The following PTER variants were observed in gnomAD, a reference collection of about 807,000 sequenced individuals.
The protein encoded by PTER is N-acetyltaurine hydrolase.
Under a neutral mutation model 29.6 loss-of-function variants are expected in PTER, and 38 were observed. The ratio of observed to expected loss-of-function variants is 1.28; its 90% CI spans 0.99 to 1.68. PTER has a LOEUF of 1.68. PTER is among the 40% of genes most tolerant of loss of function. The pLI is 0.00. For synonymous variants in PTER, 172 were observed against 154.5 expected, an observed-to-expected ratio of 1.11 and a Z score of -0.84; for missense variants, 482 against 427.8, an observed-to-expected ratio of 1.13 and a Z score of -1.12.
chr10:16,471,925 A>C (rs1241833088), intron 1 of PTER, among the ~76,000 whole-genome samples: 1 of 152,224 alleles, frequency 6.6e-6, no homozygotes, highest in Non-Finnish European at 1.5e-5. Flanking sequence ...ACTTACTGCT[A>C]AATTACTTTT....
intron 1 of PTER, among the ~76,000 whole-genome samples, chr10:16,443,143 C>T (rs1281758093): frequency 2.0e-5 from 3 of 152,140 alleles, no homozygotes; most frequent in African/African-American, 4.8e-5. Flanking sequence ...TTTATTTTCT[C>T]ACAGCTCTGG....
At chr10:16,506,822 T>C (rs1449688960) in intron 4 of PTER, among the ~76,000 whole-genome samples, 1 of 151,602 alleles carries the variant, frequency 6.6e-6, no homozygotes, top group Non-Finnish European at 1.5e-5. Context: ...AGGCTAGGAA[T>C]GGCTGTCAGG....
At chr10:16,476,901 C>CTCTCTCTTTTTTT (rs1214090481) in intron 1 of PTER, among the ~76,000 whole-genome samples, 4 of 100,368 alleles carry the variant, frequency 4.0e-5, no homozygotes, top group African/African-American at 1.3e-4. Context: ...TCCTAGAATT[C>CTCTCTCTTTTTTT]TTTTTTTTTT....
intron 1 of PTER, among the ~76,000 whole-genome samples, chr10:16,472,724 A>G (rs1043056847): frequency 6.6e-6 from 1 of 152,138 alleles, no homozygotes; most frequent in Non-Finnish European, 1.5e-5. Context: ...TAAATACTTT[A>G]CTTCTTTGGC....
At chr10:16,466,219 C>G (rs1834816647) in intron 1 of PTER, among the ~76,000 whole-genome samples, 1 of 152,038 alleles carries the variant, frequency 6.6e-6, no homozygotes, top group South Asian at 2.1e-4. Context: ...CAGACCAGAG[C>G]AAGGCAAGGG....
chr10:16,452,677 ATTCTCC>A (rs149744029), intron 1 of PTER, among the ~76,000 whole-genome samples: 13,091 of 150,104 alleles, frequency 0.087, 638 homozygotes, highest in African/African-American at 0.11. Context: ...GCTGATGATG[ATTCTCC>A]TTCTCCTTCT....
chr10:16,441,260 C>T (rs1318084581), intron 1 of PTER, among the ~76,000 whole-genome samples: 2 of 152,128 alleles, frequency 1.3e-5, no homozygotes, highest in Admixed American at 6.6e-5. Flanking sequence ...GAGGAATGTT[C>T]GTGGGTGAGT....
chr10:16,450,617 C>A (rs980258955), intron 1 of PTER, among the ~76,000 whole-genome samples: 1 of 152,164 alleles, frequency 6.6e-6, no homozygotes, highest in African/African-American at 2.4e-5. Flanking sequence ...ATGATAAAAG[C>A]TTGTGTCTGA....
chr10:16,505,146 C>A lies in PTER; in HGVS notation c.825C>A (p.Asn275Lys). The A allele has an allele frequency of 6.2e-7, 1 of 1,613,746 alleles. No homozygotes were observed. The highest frequency in any genetic ancestry group is 8.5e-7 in the Non-Finnish European group (1 of 1,179,836). The change falls in exon 4 of 5, where the codon AAC (asparagine) becomes AAA (lysine). Residue 275 changes from asparagine to lysine, a missense_variant. Transcript: ENST00000535784. Reference protein sequence around the residue: ...LGPDIDMPDDNKRIRRVRLLV... With the variant: ...LGPDIDMPDDKKRIRRVRLLV... Reference sequence around the variant, plus strand: ...CAGATATTGACATGCCTGATGATAACAAAAGAATTAGAAGGTAAATATGGT... The same window carrying A: ...CAGATATTGACATGCCTGATGATAAAAAAAGAATTAGAAGGTAAATATGGT...
chr10:16,481,516 G>C (rs1386320315), intron 1 of PTER, among the ~76,000 whole-genome samples: 1 of 152,152 alleles, frequency 6.6e-6, no homozygotes, highest in Non-Finnish European at 1.5e-5. Context: ...AGCAATGTTG[G>C]CTACAGTTTG....
At position 16,505,135 on chromosome 10, in the gene PTER, C is replaced by T. The variant is rs201375847; in HGVS notation, c.814C>T (p.Pro272Ser). ...HYQLGPDIDM[P>S]DDNKRIRRVR... Reference sequence around the variant, plus strand: ...CCAACTCGGCCCAGATATTGACATGCCTGATGATAACAAAAGAATTAGAAG... The same window carrying T: ...CCAACTCGGCCCAGATATTGACATGTCTGATGATAACAAAAGAATTAGAAG... Residue 272 changes from proline (P) to serine (S), a missense_variant, in exon 4 of 5, where the codon CCT (proline) becomes TCT (serine). By Grantham distance (74) the Pro-to-Ser change is moderately conservative. Transcript: ENST00000535784. 2.5e-6 allele frequency: 4 copies of T among 1,613,870 alleles called. No individual in the cohort carries two copies. The South Asian group carries it at 4.4e-5, about 18-fold the overall frequency.
downstream of PTER, among the ~76,000 whole-genome samples, chr10:16,515,919 T>A (rs1395313730): frequency 6.6e-6 from 1 of 152,176 alleles, no homozygotes; most frequent in Non-Finnish European, 1.5e-5. Context: ...CTGGATTTTA[T>A]CACTTGGCAA....
intron 1 of PTER, among the ~76,000 whole-genome samples, chr10:16,447,930 C>A (rs553967651): frequency 6.6e-6 from 1 of 152,204 alleles, no homozygotes; most frequent in African/African-American, 2.4e-5. Context: ...TCTTCAGGAC[C>A]CGTTCGAGCC....
At chr10:16,487,399 G>A (rs190283131) in intron 3 of PTER, among the ~76,000 whole-genome samples, 2 of 152,082 alleles carry the variant, frequency 1.3e-5, no homozygotes, top group Admixed American at 6.6e-5. Flanking sequence ...CTCTGTCTTC[G>A]CATAGCCTTT....
At position 16,511,109 on chromosome 10, in the gene PTER, G is replaced by A. The variant is rs537936661; in HGVS notation, c.903G>A (p.Thr301=). The change falls in exon 5 of 5, where the codon ACG becomes ACA. Residue 301 remains threonine, a synonymous_variant. Transcript: ENST00000535784. The part of the protein sequence containing the change: ...DRILVAHDIH[T]KTRLMKYGGH... ...TTCTGGTAGCACATGACATACATACGAAAACCCGGCTGATGAAATATGGAG... is the reference window on the plus strand; with the variant it reads ...TTCTGGTAGCACATGACATACATACAAAAACCCGGCTGATGAAATATGGAG... 7.4e-6 allele frequency: 12 copies of A among 1,614,100 alleles called. No individual in the cohort carries two copies. Among genetic ancestry groups the A allele is most frequent in the Middle Eastern group, 1.6e-4 (1 of 6,062 alleles).
At chr10:16,516,681 C>A (rs1473121129), downstream of PTER, among the ~76,000 whole-genome samples, 2 of 152,124 alleles carry the variant, frequency 1.3e-5, no homozygotes, top group Non-Finnish European at 2.9e-5. Context: ...ACACAATAAT[C>A]CTTTTAAAAA....
intron 1 of PTER, among the ~76,000 whole-genome samples, chr10:16,469,022 A>T (rs1262248812): frequency 5.3e-5 from 8 of 152,102 alleles, no homozygotes; most frequent in Non-Finnish European, 7.4e-5. Context: ...TGCATTATTA[A>T]GGTGAAATTG....
intron 3 of PTER, among the ~76,000 whole-genome samples, chr10:16,502,843 G>T (rs1372968471): frequency 6.6e-6 from 1 of 151,574 alleles, no homozygotes; most frequent in Non-Finnish European, 1.5e-5. Context: ...ACAACAATTA[G>T]CCGGGAGCAG....
At chr10:16,490,732 A>G (rs909758571) in intron 3 of PTER, among the ~76,000 whole-genome samples, 9 of 150,478 alleles carry the variant, frequency 6.0e-5, no homozygotes, top group African/African-American at 1.7e-4. Context: ...CTGGCTCAAG[A>G]TGATTCGTAA....
Sources: allele counts gnomAD v4.1 joint callset (sites outside exome capture counted in the v4.1 genomes callset), GRCh38; gene constraint gnomAD v4.1.1; transcripts MANE v1.5; gene names NCBI Gene and HGNC (gene_info 2026-07-23, HGNC 2026-07-21).